SLC24A2: variants seen among roughly 807,000 people sequenced by gnomAD.
SLC24A2 encodes the protein solute carrier family 24 member 2.
In SLC24A2, 36 loss-of-function variants were observed where a neutral mutation model predicts 62.0. The ratio of observed to expected loss-of-function variants is 0.58; its 90% CI spans 0.44 to 0.77. SLC24A2 has a LOEUF of 0.77. Ranked by LOEUF, SLC24A2 falls within the 30% of genes least tolerant of loss-of-function variation. The probability of loss-of-function intolerance (pLI) is 0.00; values close to 1 mark genes in which losing one functional copy is unlikely to be tolerated. For synonymous variants in SLC24A2, 358 were observed against 294.0 expected, an observed-to-expected ratio of 1.22 and a Z score of -2.23; for missense variants, 846 against 817.9, an observed-to-expected ratio of 1.03 and a Z score of -0.42.
chr9:20,248,827 G>A, the SLC24A2 span, among the ~76,000 whole-genome samples: 4 of 152,184 alleles, frequency 2.6e-5, no homozygotes, highest in African/African-American at 7.2e-5. Context: ...CTTCTCCGGG[G>A]CACCCACATG....
chr9:20,150,972 A>G, the SLC24A2 span, among the ~76,000 whole-genome samples: 1 of 151,910 alleles, frequency 6.6e-6, no homozygotes, highest in African/African-American at 2.4e-5. Context: ...CTTACAATCA[A>G]ATAAAGCAAT....
the SLC24A2 span, among the ~76,000 whole-genome samples, chr9:19,795,143 G>T: frequency 1.3e-5 from 2 of 152,172 alleles, no homozygotes; most frequent in East Asian, 3.9e-4. Context: ...GTGGAGAGGG[G>T]TCTCAAGTTG....
chr9:19,896,102 C>T, the SLC24A2 span: 3 of 614,422 alleles, frequency 4.9e-6, no homozygotes, highest in Non-Finnish European at 8.7e-6. Context: ...GAGGACTCTA[C>T]TTCCGCCCTC....
the SLC24A2 span, among the ~76,000 whole-genome samples, chr9:19,976,133 C>T: frequency 1.3e-5 from 2 of 152,136 alleles, no homozygotes; most frequent in South Asian, 2.1e-4. Context: ...ATCTTCCTGC[C>T]TCAGCCTCCC....
chr9:20,286,819 G>A, the SLC24A2 span, among the ~76,000 whole-genome samples: 2 of 152,212 alleles, frequency 1.3e-5, no homozygotes, highest in Admixed American at 6.5e-5. Context: ...ATGCACTACA[G>A]AGGAGGCCGA....
At chr9:19,613,907 C>T (rs963065625) in intron 4 of SLC24A2, among the ~76,000 whole-genome samples, 7 of 152,170 alleles carry the variant, frequency 4.6e-5, no homozygotes, top group African/African-American at 1.7e-4. Context: ...GAGCCATAGC[C>T]TCTTTACATG....
At chr9:19,840,139 G>C in the SLC24A2 span, among the ~76,000 whole-genome samples, 1 of 152,118 alleles carries the variant, frequency 6.6e-6, no homozygotes, top group African/African-American at 2.4e-5. Context: ...TTGAATTTGT[G>C]ACTCAAAGAC....
chr9:19,690,670 C>T (rs928361295), intron 2 of SLC24A2, among the ~76,000 whole-genome samples: 9 of 152,162 alleles, frequency 5.9e-5, no homozygotes, highest in Admixed American at 5.9e-4. Flanking sequence ...AGCTACTGGA[C>T]AATTCAGTTT....
the SLC24A2 span, among the ~76,000 whole-genome samples, chr9:20,299,221 G>C: frequency 6.6e-6 from 1 of 152,146 alleles, no homozygotes; most frequent in Non-Finnish European, 1.5e-5. Flanking sequence ...CTGGGTCCCA[G>C]GTCACAAAGG....
chr9:19,706,906 A>G (rs1328292000), intron 2 of SLC24A2, among the ~76,000 whole-genome samples: 3 of 152,006 alleles, frequency 2.0e-5, no homozygotes, highest in Admixed American at 2.0e-4. Flanking sequence ...AACTAAAATC[A>G]GAGCAGAACT....
At chr9:19,755,484 G>T (rs920363167) in intron 2 of SLC24A2, among the ~76,000 whole-genome samples, 8 of 152,164 alleles carry the variant, frequency 5.3e-5, no homozygotes, top group African/African-American at 1.4e-4. Flanking sequence ...AAACATAATT[G>T]TATCTACCGT....
the SLC24A2 span, among the ~76,000 whole-genome samples, chr9:19,881,004 C>G: frequency 6.6e-6 from 1 of 152,098 alleles, no homozygotes; most frequent in African/African-American, 2.4e-5. Context: ...CTCTATGCCT[C>G]CCTTTTCCTT....
the SLC24A2 span, among the ~76,000 whole-genome samples, chr9:19,893,307 A>G: frequency 6.6e-6 from 1 of 152,064 alleles, no homozygotes; most frequent in Non-Finnish European, 1.5e-5. Context: ...TTCCCCATCA[A>G]TCCATGCATT....
the SLC24A2 span, among the ~76,000 whole-genome samples, chr9:20,026,336 T>C: frequency 1.3e-5 from 2 of 152,216 alleles, no homozygotes. Flanking sequence ...ATGCCATCAG[T>C]CTGCAATTAA....
At chr9:20,272,902 G>A in the SLC24A2 span, among the ~76,000 whole-genome samples, 11 of 152,146 alleles carry the variant, frequency 7.2e-5, no homozygotes, top group Non-Finnish European at 1.5e-4. Flanking sequence ...ATATCCTTAG[G>A]TGTTGCAAGT....
chr9:19,887,816 A>T, the SLC24A2 span, among the ~76,000 whole-genome samples: 2 of 152,236 alleles, frequency 1.3e-5, no homozygotes, highest in Admixed American at 1.3e-4. Flanking sequence ...ATGATGGGAC[A>T]CCACTCAGCC....
chr9:19,651,456 T>A (rs1818798623), intron 2 of SLC24A2, among the ~76,000 whole-genome samples: 1 of 152,176 alleles, frequency 6.6e-6, no homozygotes, highest in Non-Finnish European at 1.5e-5. Flanking sequence ...GAACCCATGT[T>A]CTTAACAGCA....
chr9:20,245,319 T>C, the SLC24A2 span, among the ~76,000 whole-genome samples: 5 of 152,334 alleles, frequency 3.3e-5, no homozygotes, highest in South Asian at 1.0e-3. Flanking sequence ...CACAGAACTG[T>C]GACTGTATCA....
In SLC24A2 at chr9:19,507,456, T is replaced by C. The variant is rs578145236; in HGVS notation, c.*8697A>G. On this transcript the variant is annotated 3_prime_UTR_variant, in exon 11 of 11. Coordinates refer to ENST00000341998, the MANE Select transcript of SLC24A2 (RefSeq NM_020344.4). Reference sequence around the variant, plus strand: ...GAATTACTCCAAACAAAACAATACTTCTTTGAGTCAATAATTTTATTACTA... The same window carrying C: ...GAATTACTCCAAACAAAACAATACTCCTTTGAGTCAATAATTTTATTACTA... 1 of 152,190 alleles carries C rather than the reference T, an allele frequency of 6.6e-6. No individual in the cohort carries two copies. The highest frequency in any genetic ancestry group is 1.5e-5 in the Non-Finnish European group (1 of 68,032). The allele number at this position is 152,190 out of a possible 1,614,324, so 9.4% of individuals were successfully genotyped here.
Sources: gnomAD v4.1 joint callset for allele counts (sites outside exome capture counted in the v4.1 genomes callset) on GRCh38, gnomAD v4.1.1 for gene constraint, MANE v1.5 for transcripts, NCBI Gene and HGNC (gene_info 2026-07-23, HGNC 2026-07-21) for gene names.